CFAP299: variants seen among roughly 807,000 people sequenced by gnomAD.
The protein encoded by CFAP299 is cilia and flagella associated protein 299.
In CFAP299, 21 loss-of-function variants were observed where a neutral mutation model predicts 27.0. The ratio of observed to expected loss-of-function variants is 0.78; its 90% CI spans 0.55 to 1.12. The LOEUF is 1.12. Ranked by LOEUF, CFAP299 falls within the 50% of genes most tolerant of loss-of-function variation. The pLI, the probability that CFAP299 is intolerant of heterozygous loss-of-function variation, is 0.00. For missense variants in CFAP299, 310 were observed against 276.6 expected (o/e 1.12, Z -0.86); for synonymous variants, 104 against 98.1 (o/e 1.06, Z -0.36).
At chr4:80,665,995 T>A (rs1741128533) in intron 3 of CFAP299, among the ~76,000 whole-genome samples, 1 of 152,200 alleles carries the variant, frequency 6.6e-6, no homozygotes, top group Admixed American at 6.5e-5. Context: ...CTATGCTTTC[T>A]GTACAGCCTG....
intron 3 of CFAP299, among the ~76,000 whole-genome samples, chr4:80,613,096 C>T (rs967625430): frequency 5.9e-5 from 9 of 152,116 alleles, no homozygotes; most frequent in Non-Finnish European, 1.3e-4. Context: ...GTAAGCAAGG[C>T]ATGGGGAGCT....
intron 3 of CFAP299, among the ~76,000 whole-genome samples, chr4:80,652,523 A>G (rs896437203): frequency 3.3e-5 from 5 of 152,110 alleles, no homozygotes; most frequent in African/African-American, 1.2e-4. Context: ...TATTCCTTAT[A>G]TCTTGTATAT....
intron 2 of CFAP299, 113 bp from the exon 3 acceptor site, chr4:80,582,980 G>A: frequency 1.8e-6 from 1 of 542,848 alleles, no homozygotes; most frequent in Non-Finnish European, 3.2e-6. Flanking sequence ...TTATTTATAT[G>A]GTTTTCATGT....
chr4:80,478,964 A>G (rs17004907), intron 2 of CFAP299, among the ~76,000 whole-genome samples: 16,056 of 152,000 alleles, frequency 0.11, 2,032 homozygotes, highest in African/African-American at 0.3. Context: ...TAGACTGATA[A>G]GGCTAGTGTT....
At chr4:80,426,339 T>A (rs1578429327) in intron 2 of CFAP299, among the ~76,000 whole-genome samples, 1 of 152,238 alleles carries the variant, frequency 6.6e-6, no homozygotes, top group African/African-American at 2.4e-5. Flanking sequence ...TTTTGCTATG[T>A]TTTCTGGAAG....
chr4:80,803,497 C>T (rs1728714040), intron 3 of CFAP299, among the ~76,000 whole-genome samples: 1 of 151,898 alleles, frequency 6.6e-6, no homozygotes, highest in Non-Finnish European at 1.5e-5. Flanking sequence ...TAAGCTAGAT[C>T]AAAGGCACAT....
the CFAP299 span, among the ~76,000 whole-genome samples, chr4:80,324,658 A>G: frequency 5.4e-4 from 83 of 152,338 alleles, 1 homozygote; most frequent in Non-Finnish European, 5.9e-5. Flanking sequence ...CAGGGATACT[A>G]ACACTGAGTA....
rs369302219 is a variant in CFAP299, at chr4:80,660,277, A to T, written c.333+77094A>T. On this transcript the variant is annotated intron_variant, in intron 3 of 5. Transcript: ENST00000358105. Reference sequence around the variant, plus strand: ...AATCAATAGCATAGAAGATAAAAAGAATGGCGGGGACTGTTGTAAAGGAAA... The same window carrying T: ...AATCAATAGCATAGAAGATAAAAAGTATGGCGGGGACTGTTGTAAAGGAAA... 4.6e-5 allele frequency among the ~76,000 whole-genome samples: 7 copies of T among 152,182 alleles called. No homozygotes were observed. In the East Asian group the frequency reaches 1.4e-3, roughly 29 times the overall value.
chr4:80,598,451 AAG>A, intron 3 of CFAP299, among the ~76,000 whole-genome samples: 1 of 152,234 alleles, frequency 6.6e-6, no homozygotes, highest in South Asian at 2.1e-4. Flanking sequence ...AATTGTTATT[AAG>A]CCATGCCCTT....
chr4:80,907,217 T>C (rs1735227452), intron 4 of CFAP299, among the ~76,000 whole-genome samples: 1 of 152,204 alleles, frequency 6.6e-6, no homozygotes, highest in African/African-American at 2.4e-5. Context: ...CTCATCTTCA[T>C]CTGCATCTGA....
At chr4:80,879,935 A>G (rs1001349378) in intron 4 of CFAP299, among the ~76,000 whole-genome samples, 1 of 152,172 alleles carries the variant, frequency 6.6e-6, no homozygotes, top group African/African-American at 2.4e-5. Flanking sequence ...TATTTCCTAT[A>G]ATCTGTCTTT....
intron 3 of CFAP299, among the ~76,000 whole-genome samples, chr4:80,867,599 G>A (rs2110165488): frequency 6.6e-6 from 1 of 152,274 alleles, no homozygotes; most frequent in South Asian, 2.1e-4. Flanking sequence ...GGTTTCTTAG[G>A]AGGGCTGTTT....
At chr4:80,919,647 T>G (rs1735942712) in intron 4 of CFAP299, among the ~76,000 whole-genome samples, 1 of 152,196 alleles carries the variant, frequency 6.6e-6, no homozygotes, top group African/African-American at 2.4e-5. Context: ...AAGTGAACAT[T>G]ATTTTCTATC....
At chr4:80,388,848 T>A in intron 2 of CFAP299, 1 of 347,670 alleles carries the variant, frequency 2.9e-6, no homozygotes. Flanking sequence ...CTTAATTTAT[T>A]TTTCTTTCTT....
rs139737110 is a variant in CFAP299 at position 80,355,966 on chromosome 4, T to C, written c.112-6788T>C. Among the ~76,000 whole-genome samples the C allele has an allele frequency of 4.9e-3, 747 of 152,278 alleles. 7 individuals are homozygous for C. Among genetic ancestry groups the C allele is most frequent in the African/African-American group, 0.017 (721 of 41,562 alleles). ...ATTTTCTTCTAGGGTTGTTATAGTT[T>C]TGGGTTTTACATTTAAGTCTTTAAT... On this transcript the variant is annotated intron_variant, in intron 1 of 5. Transcript: ENST00000358105.
intron 3 of CFAP299, among the ~76,000 whole-genome samples, chr4:80,608,861 A>ATGTGTGTGTG (rs33963629): frequency 2.0e-5 from 3 of 146,806 alleles, no homozygotes; most frequent in African/African-American, 7.8e-5. Flanking sequence ...TACACGATGC[A>ATGTGTGTGTG]TGTGTGTGTG....
At chr4:80,460,759 A>G (rs1356944007) in intron 2 of CFAP299, among the ~76,000 whole-genome samples, 1 of 152,168 alleles carries the variant, frequency 6.6e-6, no homozygotes, top group Non-Finnish European at 1.5e-5. Context: ...ATATAAGGAG[A>G]AATTCACACG....
chr4:80,461,262 G>A, intron 2 of CFAP299, among the ~76,000 whole-genome samples: 1 of 152,078 alleles, frequency 6.6e-6, no homozygotes, highest in East Asian at 1.9e-4. Context: ...TCAAAGAAGA[G>A]ACCTGGAAAA....
intron 2 of CFAP299, among the ~76,000 whole-genome samples, chr4:80,466,509 C>G (rs1729705996): frequency 6.6e-6 from 1 of 152,120 alleles, no homozygotes; most frequent in Non-Finnish European, 1.5e-5. Flanking sequence ...AGCCATATTT[C>G]AAAACATTTA....
Sources: allele counts gnomAD v4.1 joint callset (sites outside exome capture counted in the v4.1 genomes callset), GRCh38; gene constraint gnomAD v4.1.1; transcripts MANE v1.5; gene names NCBI Gene and HGNC (gene_info 2026-07-23, HGNC 2026-07-21).